Variants in PLD1 observed in about 807,000 individuals in gnomAD.
PLD1 encodes choline phosphatase 1.
In PLD1, 112 loss-of-function variants were observed where a neutral mutation model predicts 137.1. That is an observed-to-expected ratio of 0.82 (90% confidence interval 0.70 to 0.96). PLD1 has a LOEUF of 0.96. Among genes scored for constraint, PLD1 ranks in the 40% least tolerant of loss-of-function variants. The probability of loss-of-function intolerance (pLI) is 0.00; values close to 1 mark genes in which losing one functional copy is unlikely to be tolerated. For synonymous variants in PLD1, 431 were observed against 454.7 expected, an observed-to-expected ratio of 0.95 and a Z score of 0.66; for missense variants, 1,321 against 1,342.0, an observed-to-expected ratio of 0.98 and a Z score of 0.24.
At chr3:171,715,547 G>C (rs1717614344) in intron 8 of PLD1, among the ~76,000 whole-genome samples, 1 of 151,916 alleles carries the variant, frequency 6.6e-6, no homozygotes, top group Admixed American at 6.6e-5. Context: ...TGAATCTGTA[G>C]ATTGCTTTGG....
At chr3:171,786,157 C>T (rs1355246914) in intron 1 of PLD1, among the ~76,000 whole-genome samples, 1 of 152,188 alleles carries the variant, frequency 6.6e-6, no homozygotes, top group African/African-American at 2.4e-5. Context: ...GTTCGTGGCA[C>T]ATTTTCCTGG....
At chr3:171,731,810 TCA>T (rs1407521810) in intron 6 of PLD1, among the ~76,000 whole-genome samples, 2 of 152,114 alleles carry the variant, frequency 1.3e-5, no homozygotes, top group Non-Finnish European at 2.9e-5. Context: ...GAGAATCTAT[TCA>T]CAGTCAGTTG....
At chr3:171,631,501 T>C (rs898281124) in intron 23 of PLD1, among the ~76,000 whole-genome samples, 1 of 152,196 alleles carries the variant, frequency 6.6e-6, no homozygotes, top group African/African-American at 2.4e-5. Context: ...CTAGTAGCAA[T>C]GATCACATCT....
intron 3 of PLD1, among the ~76,000 whole-genome samples, chr3:171,736,825 G>A (rs73043861): frequency 0.038 from 5,788 of 152,226 alleles, 272 homozygotes; most frequent in African/African-American, 0.11. Flanking sequence ...GTCCTCCCCC[G>A]GAGACTTAAC....
intron 19 of PLD1, among the ~76,000 whole-genome samples, chr3:171,664,674 G>T (rs146962833): frequency 0.012 from 1,790 of 152,140 alleles, 24 homozygotes; most frequent in African/African-American, 0.041. Flanking sequence ...GGCCAGGCTG[G>T]TCTTGAACTC....
At chr3:171,806,446 G>A (rs1723851907) in intron 1 of PLD1, among the ~76,000 whole-genome samples, 1 of 152,204 alleles carries the variant, frequency 6.6e-6, no homozygotes, top group African/African-American at 2.4e-5. Context: ...CAGGCTTATG[G>A]GAAAGTTAGG....
chr3:171,649,093 A>G (rs1736508090), intron 21 of PLD1, among the ~76,000 whole-genome samples: 1 of 152,182 alleles, frequency 6.6e-6, no homozygotes, highest in African/African-American at 2.4e-5. Context: ...TGTTTGTAAG[A>G]GACAGTTCTA....
chr3:171,725,322 C>T (rs1718423250), intron 7 of PLD1, among the ~76,000 whole-genome samples: 1 of 152,182 alleles, frequency 6.6e-6, no homozygotes, highest in African/African-American at 2.4e-5. Context: ...GACCATGGTG[C>T]ATCTCACCCA....
intron 1 of PLD1, chr3:171,788,960 CT>C (rs1723119408): frequency 1.3e-5 from 2 of 152,198 alleles, no homozygotes; most frequent in African/African-American, 4.8e-5. Context: ...GCTATGCACT[CT>C]GCTAGGCACT....
At chr3:171,618,614 G>T (rs1733310966) in intron 24 of PLD1, among the ~76,000 whole-genome samples, 2 of 152,066 alleles carry the variant, frequency 1.3e-5, no homozygotes, top group Admixed American at 1.3e-4. Flanking sequence ...TGAGTATTAG[G>T]GCAAATGGGG....
At chr3:171,726,336 G>GGAGA (rs140543382) in intron 6 of PLD1, among the ~76,000 whole-genome samples, 1 of 150,626 alleles carries the variant, frequency 6.6e-6, no homozygotes, top group Non-Finnish European at 1.5e-5. Flanking sequence ...CAAGAAGCTT[G>GGAGA]GAGAGAGAGA....
At chr3:171,683,109 C>T (rs1714177773) in intron 16 of PLD1, among the ~76,000 whole-genome samples, 1 of 152,142 alleles carries the variant, frequency 6.6e-6, no homozygotes, top group Admixed American at 6.6e-5. Context: ...CCCATAGCCA[C>T]CTCATTTCAG....
At position 171,708,797 on chromosome 3, in the gene PLD1, G is replaced by A. The variant is rs1716905221; in HGVS notation, c.1103C>T (p.Ala368Val). Residue 368 changes from alanine to valine, a missense_variant, in exon 11 of 27, where the codon GCA becomes GTA. Physicochemically the swap from Ala to Val is moderately conservative, Grantham distance 64 (BLOSUM62 0). Transcript: ENST00000351298. ...AKGYFEDVAN[A>V]MEEANEEIFI... ...AATCTCTTCATTTGCCTCTTCCATT[G>A]CATTTGCCACATCTTCAAAATATCC... 2 of 1,601,840 alleles carry A rather than the reference G, an allele frequency of 1.2e-6. No individual in the cohort carries two copies. The highest frequency in any genetic ancestry group is 1.3e-5 in the African/African-American group (1 of 74,670).
At chr3:171,658,404 A>T (rs956132505) in intron 21 of PLD1, among the ~76,000 whole-genome samples, 1 of 152,212 alleles carries the variant, frequency 6.6e-6, no homozygotes, top group Non-Finnish European at 1.5e-5. Flanking sequence ...AACAACCCAA[A>T]TGTCCATCAA....
rs4894760 is a variant in PLD1, at chr3:171,734,646, G to T, written c.540+219C>A. Among the ~76,000 whole-genome samples the T allele has an allele frequency of 0.36, 55,364 of 151,852 alleles. 11,262 individuals carry two copies. The highest frequency in any genetic ancestry group is 0.53 in the African/African-American group (21,888 of 41,378). On this transcript the variant is annotated intron_variant, in intron 5 of 26. Transcript: ENST00000351298. ...AGAACAGCTTCTTCATAATGTCAAGGCCTAACCAAGAACGCTCTTCCTCTT... is the reference window on the plus strand; with the variant it reads ...AGAACAGCTTCTTCATAATGTCAAGTCCTAACCAAGAACGCTCTTCCTCTT...
At chr3:171,733,625 ATTAT>A (rs1347514636) in intron 5 of PLD1, 116 bp from the exon 6 acceptor site, 4 of 535,058 alleles carry the variant, frequency 7.5e-6, no homozygotes, top group Non-Finnish European at 1.3e-5. Flanking sequence ...AAGTTATTCA[ATTAT>A]TTATTAATAT....
At chr3:171,682,160 GA>G (rs1560211505) in intron 16 of PLD1, among the ~76,000 whole-genome samples, 3 of 47,776 alleles carry the variant, frequency 6.3e-5, no homozygotes, top group Non-Finnish European at 1.3e-4. Flanking sequence ...AAGAAAGAAA[GA>G]AAGAAAAAGA....
chr3:171,769,666 T>A (rs1179045238), intron 1 of PLD1, among the ~76,000 whole-genome samples: 2 of 152,196 alleles, frequency 1.3e-5, no homozygotes, highest in Non-Finnish European at 2.9e-5. Flanking sequence ...CGAAATGGCA[T>A]GCAGCCATAA....
intron 1 of PLD1, among the ~76,000 whole-genome samples, chr3:171,801,862 C>G (rs1244173749): frequency 6.6e-6 from 1 of 152,222 alleles, no homozygotes; most frequent in Admixed American, 6.5e-5. Flanking sequence ...TGTTACGATA[C>G]TTTCATGTTT....
Sources: gnomAD v4.1 joint callset for allele counts (sites outside exome capture counted in the v4.1 genomes callset) on GRCh38, gnomAD v4.1.1 for gene constraint, MANE v1.5 for transcripts, NCBI Gene and HGNC (gene_info 2026-07-23, HGNC 2026-07-21) for gene names.